Variants in PSMA1 observed in about 807,000 individuals in gnomAD.
PSMA1 encodes the protein proteasome 20S subunit alpha 1.
Under a neutral mutation model 38.4 loss-of-function variants are expected in PSMA1, and 3 were observed. The ratio of observed to expected loss-of-function variants is 0.08; its 90% CI spans 0.04 to 0.20. PSMA1 has a LOEUF of 0.20. PSMA1 is among the 10% of genes least tolerant of loss of function. The probability of loss-of-function intolerance (pLI) is 1.00; values close to 1 mark genes in which losing one functional copy is unlikely to be tolerated. For synonymous variants in PSMA1, 101 were observed against 107.1 expected, an observed-to-expected ratio of 0.94 and a Z score of 0.35; for missense variants, 227 against 325.3, an observed-to-expected ratio of 0.70 and a Z score of 2.32.
intron 2 of PSMA1, among the ~76,000 whole-genome samples, chr11:14,586,550 T>C (rs1010621534): frequency 6.6e-6 from 1 of 152,224 alleles, no homozygotes. Context: ...AGGTATTCTA[T>C]TTTATCCCCA....
At chr11:14,632,311 T>C (rs1853030743) in intron 1 of PSMA1, among the ~76,000 whole-genome samples, 1 of 149,856 alleles carries the variant, frequency 6.7e-6, no homozygotes, top group Non-Finnish European at 1.5e-5. Context: ...GTACCGGTTG[T>C]TCCTTTCCAT....
chr11:14,542,859 TTTTC>T (rs1270199542), intron 2 of PSMA1, among the ~76,000 whole-genome samples: 1 of 152,202 alleles, frequency 6.6e-6, no homozygotes, highest in Non-Finnish European at 1.5e-5. Flanking sequence ...AGAATGATTT[TTTTC>T]TTTCTTTCTT....
chr11:14,590,698 C>T (rs529073299), intron 2 of PSMA1, among the ~76,000 whole-genome samples: 7 of 152,288 alleles, frequency 4.6e-5, no homozygotes, highest in African/African-American at 1.4e-4. Context: ...GAGATCGTAG[C>T]GGGGTCCAGT....
intron 2 of PSMA1, among the ~76,000 whole-genome samples, chr11:14,572,857 C>T (rs1230689839): frequency 6.6e-6 from 1 of 152,188 alleles, no homozygotes; most frequent in African/African-American, 2.4e-5. Flanking sequence ...CATGGAAATA[C>T]AAACTACCAT....
chr11:14,575,758 C>A (rs1852205787), intron 2 of PSMA1, among the ~76,000 whole-genome samples: 1 of 152,126 alleles, frequency 6.6e-6, no homozygotes, highest in Non-Finnish European at 1.5e-5. Flanking sequence ...GATTTATAAT[C>A]CTTTGGGTAT....
intron 1 of PSMA1, among the ~76,000 whole-genome samples, chr11:14,616,945 A>G (rs533837871): frequency 1.2e-4 from 19 of 152,314 alleles, no homozygotes; most frequent in African/African-American, 3.8e-4. Context: ...TGTCGTTTGT[A>G]TCTATGAACA....
At chr11:14,586,604 A>G (rs529759378) in intron 2 of PSMA1, among the ~76,000 whole-genome samples, 3 of 152,298 alleles carry the variant, frequency 2.0e-5, no homozygotes, top group South Asian at 2.1e-4. Flanking sequence ...TCTTTGCCCA[A>G]GGGAAAATAC....
At chr11:14,606,299 G>T (rs1389571642) in intron 2 of PSMA1, among the ~76,000 whole-genome samples, 1 of 152,018 alleles carries the variant, frequency 6.6e-6, no homozygotes, top group Admixed American at 6.6e-5. Flanking sequence ...GTCTGAAGTT[G>T]GGAAATGAAA....
rs186425038 is a variant in PSMA1 at position 14,600,811 on chromosome 11, C to T, written c.21+10155G>A. On this transcript the variant is annotated intron_variant, in intron 2 of 10. Coordinates refer to the PSMA1 transcript ENST00000418988. ...CCTCAGTTGGAAATGCAGAAATCACCCATCTTCTGCGTCGATCCTGCTGGG... is the reference window on the plus strand; with the variant it reads ...CCTCAGTTGGAAATGCAGAAATCACTCATCTTCTGCGTCGATCCTGCTGGG... Among the ~76,000 whole-genome samples the T allele has an allele frequency of 1.2e-4, 19 of 152,308 alleles. 1 individual carries two copies. The highest frequency in any genetic ancestry group is 4.3e-4 in the African/African-American group (18 of 41,574).
At chr11:14,517,143 T>C (rs532783874) in intron 4 of PSMA1, among the ~76,000 whole-genome samples, 2 of 152,326 alleles carry the variant, frequency 1.3e-5, no homozygotes, top group Admixed American at 6.5e-5. Flanking sequence ...TGTTATATTA[T>C]AGATAAACTA....
intron 2 of PSMA1, among the ~76,000 whole-genome samples, chr11:14,579,310 G>C (rs913607103): frequency 6.6e-6 from 1 of 152,092 alleles, no homozygotes; most frequent in Non-Finnish European, 1.5e-5. Context: ...ATGTCTCCAG[G>C]CATTCTTTGG....
rs560523657 is a variant in PSMA1, at chr11:14,638,276, C to G, written c.-166+5179G>C. 3.9e-5 allele frequency among the ~76,000 whole-genome samples: 6 copies of G among 152,068 alleles called. No individual in the cohort carries two copies. The South Asian group carries it at 6.2e-4, about 16-fold the overall frequency. ...GCTGTGCGCAGCTTAGTAACACACA[C>G]GAAGTCACATTATTTACTCCTATTT... On this transcript the variant is annotated intron_variant, in intron 1 of 10. Transcript: ENST00000418988.
At chr11:14,604,796 T>C (rs1327382174) in intron 2 of PSMA1, among the ~76,000 whole-genome samples, 1 of 152,350 alleles carries the variant, frequency 6.6e-6, no homozygotes, top group African/African-American at 2.4e-5. Context: ...CTCCTACTTA[T>C]AAGTGAGAAC....
intron 2 of PSMA1, among the ~76,000 whole-genome samples, chr11:14,601,334 G>C (rs527445571): frequency 5.0e-4 from 76 of 152,224 alleles, no homozygotes; most frequent in Non-Finnish European, 8.8e-4. Flanking sequence ...AGGATTTTAG[G>C]GATTCTTTCC....
At chr11:14,622,865 T>C (rs1270754965) in intron 1 of PSMA1, among the ~76,000 whole-genome samples, 3 of 152,152 alleles carry the variant, frequency 2.0e-5, no homozygotes, top group African/African-American at 7.2e-5. Context: ...CAAGTATCAT[T>C]GGGAGAATAA....
At chr11:14,522,129 C>T (rs902788406), upstream of PSMA1, among the ~76,000 whole-genome samples, 6 of 152,072 alleles carry the variant, frequency 3.9e-5, no homozygotes, top group African/African-American at 1.4e-4. Flanking sequence ...AATAAATATA[C>T]AATTTTTAAA....
At chr11:14,563,727 G>A (rs754421498) in intron 2 of PSMA1, among the ~76,000 whole-genome samples, 4 of 152,152 alleles carry the variant, frequency 2.6e-5, no homozygotes, top group Non-Finnish European at 5.9e-5. Context: ...ACCATTTAGA[G>A]ATAATCACTG....
intron 2 of PSMA1, among the ~76,000 whole-genome samples, chr11:14,548,866 G>T (rs1330700108): frequency 6.6e-6 from 1 of 152,100 alleles, no homozygotes; most frequent in African/African-American, 2.4e-5. Flanking sequence ...CTGATTAAAA[G>T]ATCCAATAAA....
At chr11:14,611,425 G>A (rs776855880) in intron 1 of PSMA1, among the ~76,000 whole-genome samples, 33 of 152,102 alleles carry the variant, frequency 2.2e-4, no homozygotes, top group Non-Finnish European at 4.6e-4. Context: ...TATAGCAAAA[G>A]AATTGAAAAA....
Sources: gnomAD v4.1 joint callset for allele counts (sites outside exome capture counted in the v4.1 genomes callset) on GRCh38, gnomAD v4.1.1 for gene constraint, MANE v1.5 for transcripts, NCBI Gene and HGNC (gene_info 2026-07-23, HGNC 2026-07-21) for gene names.